The following CHRM3 variants were observed in gnomAD, a reference collection of about 807,000 sequenced individuals.
CHRM3 encodes the protein cholinergic receptor muscarinic 3, also known as muscarinic acetylcholine receptor M3.
A neutral mutation model predicts 41.8 loss-of-function variants in CHRM3; 11 were observed. The observed-to-expected ratio is 0.26, with a 90% CI of 0.17 to 0.44. The LOEUF is 0.44. Ranked by LOEUF, CHRM3 falls within the 20% of genes least tolerant of loss-of-function variation. The pLI is 1.00. For synonymous variants in CHRM3, 297 were observed against 301.4 expected (o/e 0.99, Z 0.15); for missense variants, 571 against 745.4 (o/e 0.77, Z 2.72).
intron 1 of CHRM3, among the ~76,000 whole-genome samples, chr1:239,490,975 A>G (rs1667513463): frequency 6.6e-6 from 1 of 152,088 alleles, no homozygotes; most frequent in Non-Finnish European, 1.5e-5. Flanking sequence ...TCCTGGGCTC[A>G]AGTGATTTTT....
chr1:239,907,934 C>G lies in CHRM3; in HGVS notation c.483C>G (p.Val161=). 6.2e-7 allele frequency: 1 copy of G among 1,614,194 alleles called. No individual in the cohort carries two copies. Among genetic ancestry groups the G allele is most frequent in the Non-Finnish European group, 8.5e-7 (1 of 1,180,042 alleles). Reference sequence around the variant, plus strand: ...ATGCCTCTGTTATGAATCTTCTGGTCATCAGCTTTGACAGATACTTTTCCA... The same window carrying G: ...ATGCCTCTGTTATGAATCTTCTGGTGATCAGCTTTGACAGATACTTTTCCA... The part of the protein sequence containing the change: ...ASNASVMNLL[V]ISFDRYFSIT... The change falls in exon 7 of 7, where the codon GTC becomes GTG. Residue 161 remains valine, a synonymous_variant. Coordinates refer to ENST00000676153, the MANE Select transcript of CHRM3 (RefSeq NM_001375978.1). The surrounding 1 kb of genome is among the most constrained non-coding windows in gnomAD (Gnocchi z 5.4).
At chr1:239,434,383 C>T (rs896710221) in intron 1 of CHRM3, among the ~76,000 whole-genome samples, 1 of 152,220 alleles carries the variant, frequency 6.6e-6, no homozygotes, top group Non-Finnish European at 1.5e-5. Flanking sequence ...TCTTTCATAA[C>T]TCAAGATAAA....
intron 2 of CHRM3, among the ~76,000 whole-genome samples, chr1:239,496,543 GTA>G (rs1553312714): frequency 6.9e-6 from 1 of 144,592 alleles, no homozygotes; most frequent in African/African-American, 2.6e-5. Context: ...GTGTGTGTGT[GTA>G]TAATTATATA....
chr1:239,727,725 C>T (rs1663575873), intron 5 of CHRM3: 1 of 151,808 alleles, frequency 6.6e-6, no homozygotes, highest in Non-Finnish European at 1.5e-5. Context: ...CGTGTATTTG[C>T]AAACCTGCTC....
chr1:239,788,693 G>A (rs1159124325), intron 5 of CHRM3, among the ~76,000 whole-genome samples: 3 of 152,062 alleles, frequency 2.0e-5, no homozygotes, highest in African/African-American at 7.2e-5. Flanking sequence ...TTGAACCTGG[G>A]AGGCAGAGGT....
intron 5 of CHRM3, among the ~76,000 whole-genome samples, chr1:239,772,592 C>T (rs1470789338): frequency 2.0e-5 from 3 of 152,226 alleles, no homozygotes; most frequent in South Asian, 2.1e-4. Context: ...ACGTTGTCTA[C>T]AGGCTAAGCT....
chr1:239,592,532 T>G (rs1471529857), intron 3 of CHRM3, among the ~76,000 whole-genome samples: 1 of 152,200 alleles, frequency 6.6e-6, no homozygotes, highest in Non-Finnish European at 1.5e-5. Flanking sequence ...GGAATAATAT[T>G]CCATAAGACC....
At chr1:239,533,744 A>AAC in intron 2 of CHRM3, among the ~76,000 whole-genome samples, 1 of 149,360 alleles carries the variant, frequency 6.7e-6, no homozygotes, top group East Asian at 2.0e-4. Context: ...AAAAAAAAAA[A>AAC]AAAAAACAAA....
chr1:239,597,520 C>T (rs1664921553), intron 3 of CHRM3, among the ~76,000 whole-genome samples: 1 of 152,062 alleles, frequency 6.6e-6, no homozygotes, highest in South Asian at 2.1e-4. Flanking sequence ...TTAGCTTTCT[C>T]CTCATGAATT....
intron 4 of CHRM3, among the ~76,000 whole-genome samples, chr1:239,670,125 T>C (rs577839818): frequency 6.6e-6 from 1 of 152,344 alleles, no homozygotes; most frequent in South Asian, 2.1e-4. Flanking sequence ...CGCTCATCTT[T>C]AGTGTATATT....
chr1:239,684,746 A>AAG (rs753473666), intron 5 of CHRM3, among the ~76,000 whole-genome samples: 1 of 112,062 alleles, frequency 8.9e-6, no homozygotes, highest in African/African-American at 3.9e-5. Flanking sequence ...GAGAGAAAGA[A>AAG]AGAGAAAGAA....
At position 239,726,246 on chromosome 1, in the gene CHRM3, G is replaced by T. The variant is rs999641184; in HGVS notation, c.-147+47958G>T. On this transcript the variant is annotated intron_variant, in intron 5 of 6. Transcript: ENST00000676153. ...TGTCTAGATGCTGTTACATTAACAT[G>T]TAATTTTGGTGCATTGTGAGTCTGT... Among the ~76,000 whole-genome samples, 3 of 151,890 alleles carry T rather than the reference G, an allele frequency of 2.0e-5. No homozygotes were observed. In the East Asian group the frequency reaches 5.8e-4, roughly 29 times the overall value.
At chr1:239,712,198 C>T (rs964752189) in intron 5 of CHRM3, among the ~76,000 whole-genome samples, 8 of 152,256 alleles carry the variant, frequency 5.3e-5, no homozygotes, top group Admixed American at 5.2e-4. Flanking sequence ...ATTTTATTCA[C>T]TATAATTGTC....
intron 5 of CHRM3, among the ~76,000 whole-genome samples, chr1:239,723,437 C>T (rs913192038): frequency 2.6e-5 from 4 of 151,770 alleles, no homozygotes; most frequent in African/African-American, 9.7e-5. Context: ...TATATTTTGC[C>T]TTATTTTGGA....
intron 5 of CHRM3, among the ~76,000 whole-genome samples, chr1:239,756,618 A>C (rs1191303745): frequency 1.3e-5 from 2 of 152,196 alleles, no homozygotes; most frequent in Non-Finnish European, 2.9e-5. Flanking sequence ...ATGATAAACA[A>C]TGAAGGTTCT....
chr1:239,708,843 T>A (rs990427099), intron 5 of CHRM3, among the ~76,000 whole-genome samples: 3 of 151,208 alleles, frequency 2.0e-5, no homozygotes, highest in African/African-American at 7.3e-5. Flanking sequence ...ATTTGTCTTT[T>A]TCTCTTTTCA....
intron 1 of CHRM3, among the ~76,000 whole-genome samples, chr1:239,402,716 G>A (rs139907546): frequency 5.3e-5 from 8 of 152,258 alleles, no homozygotes; most frequent in East Asian, 1.9e-4. Context: ...AGTATCCAAC[G>A]GGTATTGGCT....
At chr1:239,790,539 T>C (rs777305810) in intron 5 of CHRM3, among the ~76,000 whole-genome samples, 5 of 152,208 alleles carry the variant, frequency 3.3e-5, no homozygotes, top group African/African-American at 4.8e-5. Context: ...TCCACCATGA[T>C]TGTGAGGCCT....
chr1:239,453,926 G>T (rs111690981), intron 1 of CHRM3, among the ~76,000 whole-genome samples: 1 of 152,126 alleles, frequency 6.6e-6, no homozygotes, highest in African/African-American at 2.4e-5. Flanking sequence ...GCCTCAGACC[G>T]CAGCACAGTT....
Sources: gnomAD v4.1 joint callset for allele counts (sites outside exome capture counted in the v4.1 genomes callset) on GRCh38, gnomAD v4.1.1 for gene constraint, Gnocchi (gnomAD v3.1) non-coding constraint, MANE v1.5 for transcripts, NCBI Gene and HGNC (gene_info 2026-07-23, HGNC 2026-07-21) for gene names.